TIAM2: variants seen among roughly 807,000 people sequenced by gnomAD.
TIAM2 encodes rho guanine nucleotide exchange factor TIAM2.
Under a neutral mutation model 152.9 loss-of-function variants are expected in TIAM2, and 80 were observed. The observed-to-expected ratio is 0.52, with a 90% CI of 0.44 to 0.63. The LOEUF (loss-of-function observed/expected upper bound fraction) is 0.63, where lower values mean the gene tolerates loss of function less well. TIAM2 is among the 30% of genes least tolerant of loss of function. TIAM2 has a pLI of 0.00. For synonymous variants in TIAM2, 804 were observed against 838.0 expected (o/e 0.96, Z 0.70); for missense variants, 1,965 against 2,120.1 (o/e 0.93, Z 1.44).
At chr6:155,230,816 A>G (rs1449297652) in intron 15 of TIAM2, among the ~76,000 whole-genome samples, 2 of 151,378 alleles carry the variant, frequency 1.3e-5, no homozygotes, top group Admixed American at 6.7e-5. Context: ...CTTTTAAATT[A>G]CTTTAAAATG....
chr6:155,102,346 G>A (rs1295204601), intron 2 of TIAM2, among the ~76,000 whole-genome samples: 1 of 152,110 alleles, frequency 6.6e-6, no homozygotes, highest in East Asian at 1.9e-4. Flanking sequence ...ATTAGAACAT[G>A]TTATTTACAT....
chr6:155,087,313 A>G (rs1384476710), intron 1 of TIAM2, among the ~76,000 whole-genome samples: 1 of 152,214 alleles, frequency 6.6e-6, no homozygotes, highest in East Asian at 1.9e-4. Flanking sequence ...CAGATCTTAT[A>G]TTTTATAGTT....
chr6:155,217,654 T>C (rs1212370354), intron 15 of TIAM2, among the ~76,000 whole-genome samples: 1 of 152,266 alleles, frequency 6.6e-6, no homozygotes, highest in East Asian at 1.9e-4. Context: ...AAGAATTTTA[T>C]GTAATCACCT....
intron 1 of TIAM2, among the ~76,000 whole-genome samples, chr6:155,062,967 T>C (rs1777619423): frequency 6.6e-6 from 1 of 152,218 alleles, no homozygotes; most frequent in African/African-American, 2.4e-5. Context: ...TCTTCTCTGA[T>C]GAAGTGTCTG....
intron 1 of TIAM2, among the ~76,000 whole-genome samples, chr6:155,084,604 C>T (rs1274498965): frequency 6.6e-6 from 1 of 152,146 alleles, no homozygotes; most frequent in African/African-American, 2.4e-5. Flanking sequence ...TGGTGTTTCA[C>T]ATGGGCTGTT....
At chr6:155,005,003 T>C in intron 1 of TIAM2, 1 of 491,766 alleles carries the variant, frequency 2.0e-6, no homozygotes, top group Non-Finnish European at 3.1e-6. Context: ...ATTTGCCCCA[T>C]GTGAAGAGGC....
chr6:155,178,484 C>T (rs142015430), intron 10 of TIAM2, among the ~76,000 whole-genome samples: 74 of 152,308 alleles, frequency 4.9e-4, no homozygotes, highest in African/African-American at 1.7e-3. Context: ...AAAAATGCAT[C>T]TCTTGCCTTT....
intron 15 of TIAM2, among the ~76,000 whole-genome samples, chr6:155,220,473 C>G (rs1425893990): frequency 6.6e-6 from 1 of 152,168 alleles, no homozygotes; most frequent in Admixed American, 6.5e-5. Flanking sequence ...CAGCCTGGCC[C>G]CACCAGTGCT....
rs375197250 is a variant in TIAM2 at position 155,211,181 on chromosome 6, T to C, written c.3065-23T>C. ...CTCTGCAAATGGCCAAACTCATATA[T>C]GTTTTTGTCATTTTTTATGCAGATT... On this transcript the variant is annotated intron_variant, in intron 14 of 26. Coordinates refer to ENST00000682666, the MANE Select transcript of TIAM2 (RefSeq NM_012454.4). 1.8e-5 allele frequency: 29 copies of C among 1,606,618 alleles called. No individual in the cohort carries two copies. The South Asian group carries it at 2.1e-4, about 12-fold the overall frequency.
At position 155,137,444 on chromosome 6, in the gene TIAM2, G is replaced by A. The variant is rs377623902; in HGVS notation, c.1462G>A (p.Glu488Lys). 5.6e-6 allele frequency: 9 copies of A among 1,614,100 alleles called. No homozygotes were observed. In the East Asian group the frequency reaches 6.7e-5, roughly 12 times the overall value. The change falls in exon 5 of 27, where the codon GAG (glutamate) becomes AAG (lysine). Residue 488 changes from glutamate to lysine, a missense_variant. Around this residue, in one of 3 missense-constraint regions of TIAM2, gnomAD observed 1,025 missense variants for 1,119.4 expected, o/e 0.92. Coordinates refer to ENST00000682666, the MANE Select transcript of TIAM2 (RefSeq NM_012454.4). Reference protein sequence around the residue: ...TSTETAESSSESLSSLEQLDL... With the variant: ...TSTETAESSSKSLSSLEQLDL... ...TACAGAAACCGCCGAGTCCAGCAGCGAGTCACTCAGCTCTCTGGAACAGCT... is the reference window on the plus strand; with the variant it reads ...TACAGAAACCGCCGAGTCCAGCAGCAAGTCACTCAGCTCTCTGGAACAGCT...
Position 155,147,184 on chromosome 6 carries a change from T to TTC in TIAM2, c.1804-925_1804-924insCT, listed in dbSNP as rs1053904696. On this transcript the variant is annotated intron_variant, in intron 6 of 26. Coordinates refer to ENST00000682666, the MANE Select transcript of TIAM2 (RefSeq NM_012454.4). Reference sequence around the variant, plus strand: ...CTTTTATTTACATTGTTCTTTTTTTTTTTTTGTATTGAGGCCATACTGTAG... The same window carrying TTC: ...CTTTTATTTACATTGTTCTTTTTTTTTCTTTTTGTATTGAGGCCATACTGTAG... Among the ~76,000 whole-genome samples, 6 of 151,692 alleles carry TTC rather than the reference T, an allele frequency of 4.0e-5. 1 individual carries two copies. Among genetic ancestry groups the TTC allele is most frequent in the Non-Finnish European group, 7.4e-5 (5 of 67,912 alleles).
In TIAM2 at chr6:155,174,013, T is replaced by C. The variant is rs1780701682; in HGVS notation, c.2362-2803T>C. Among the ~76,000 whole-genome samples, 1 of 152,202 alleles carries C rather than the reference T, an allele frequency of 6.6e-6. No homozygotes were observed. The highest frequency in any genetic ancestry group is 2.4e-5 in the African/African-American group (1 of 41,454). ...GAGCATGCCACTCCCTTCTGGGGAA[T>C]GTTCCCTGAGCCATTCTGTTCAATG... On this transcript the variant is annotated intron_variant, in intron 9 of 26. Transcript: ENST00000682666. This position sits in a 1 kb window ranked among gnomAD's most constrained non-coding sequence, Gnocchi z 4.2.
At chr6:155,173,139 C>G (rs901850601) in intron 9 of TIAM2, among the ~76,000 whole-genome samples, 2 of 150,418 alleles carry the variant, frequency 1.3e-5, no homozygotes, top group African/African-American at 4.9e-5. Flanking sequence ...CCAGGTTTTA[C>G]TTTTCTTGAA....
Position 155,129,091 on chromosome 6 carries a change from ACTC to A in TIAM2, c.-6-123_-6-121del. 1 of 819,330 alleles carries A rather than the reference ACTC, an allele frequency of 1.2e-6. No individual in the cohort carries two copies. The highest frequency in any genetic ancestry group is 1.9e-6 in the Non-Finnish European group (1 of 531,360). 50.8% of individuals were successfully genotyped at this position (819,330 alleles called of 1,614,324 possible). ...GTTCTACTGACTGACTCTTGTCCCT[ACTC>A]CTCTGAGTCCTTCCAGGCACTGAAG... On this transcript the variant is annotated intron_variant, in intron 3 of 26. Coordinates refer to ENST00000682666, the MANE Select transcript of TIAM2 (RefSeq NM_012454.4). The surrounding 1 kb of genome is among the most constrained non-coding windows in gnomAD (Gnocchi z 4.8).
chr6:155,172,686 A>ATGTATATATATATT (rs1562341365), intron 9 of TIAM2, among the ~76,000 whole-genome samples: 1 of 19,646 alleles, frequency 5.1e-5, no homozygotes, highest in Non-Finnish European at 9.0e-5. Context: ...ATATATATAT[A>ATGTATATATATATT]TTTTTTTTTT....
intron 15 of TIAM2, chr6:155,217,147 A>C: frequency 7.8e-7 from 1 of 1,283,604 alleles, no homozygotes; most frequent in Non-Finnish European, 1.0e-6. Flanking sequence ...AAATGTAGGC[A>C]TGCTTGCACG....
At chr6:155,084,855 A>G (rs1285707522) in intron 1 of TIAM2, among the ~76,000 whole-genome samples, 1 of 152,176 alleles carries the variant, frequency 6.6e-6, no homozygotes, top group East Asian at 1.9e-4. Flanking sequence ...GTGCAGGAAC[A>G]GTGCATTAGT....
chr6:155,096,254 G>A (rs1778419009), intron 2 of TIAM2, among the ~76,000 whole-genome samples: 1 of 151,892 alleles, frequency 6.6e-6, no homozygotes, highest in African/African-American at 2.4e-5. Context: ...ATAGTTCTGG[G>A]GTATGAATGG....
At chr6:155,026,152 C>T (rs1776597747) in intron 1 of TIAM2, among the ~76,000 whole-genome samples, 1 of 152,080 alleles carries the variant, frequency 6.6e-6, no homozygotes, top group Non-Finnish European at 1.5e-5. Flanking sequence ...TAAATTGCCG[C>T]ATTGCTTTGG....
Sources: gnomAD v4.1 joint callset for allele counts (sites outside exome capture counted in the v4.1 genomes callset) on GRCh38, gnomAD v4.1.1 for gene constraint, gnomAD v4.1.1 regional missense constraint, Gnocchi (gnomAD v3.1) non-coding constraint, MANE v1.5 for transcripts, NCBI Gene and HGNC (gene_info 2026-07-23, HGNC 2026-07-21) for gene names.